The following ADAM20 variants were observed in gnomAD, a reference collection of about 807,000 sequenced individuals.
The protein encoded by ADAM20 is ADAM metallopeptidase domain 20.
For missense variants in ADAM20, 871 were observed against 883.2 expected, an observed-to-expected ratio of 0.99 and a Z score of 0.18; for synonymous variants, 305 against 310.2, an observed-to-expected ratio of 0.98 and a Z score of 0.18.
chr14:70,525,214 T>A (rs1045754125), intron 1 of ADAM20, among the ~76,000 whole-genome samples: 1 of 152,116 alleles, frequency 6.6e-6, no homozygotes, highest in Non-Finnish European at 1.5e-5. Context: ...GTATTTCTTT[T>A]ATTATTTCCT....
the ADAM20 span, among the ~76,000 whole-genome samples, chr14:70,553,627 T>C: frequency 6.7e-6 from 1 of 149,704 alleles, no homozygotes; most frequent in African/African-American, 2.5e-5. Flanking sequence ...GATGTAAGGA[T>C]GGTTCAACAT....
At chr14:70,527,021 G>C (rs1159692992) in intron 1 of ADAM20, among the ~76,000 whole-genome samples, 1 of 152,106 alleles carries the variant, frequency 6.6e-6, no homozygotes, top group Non-Finnish European at 1.5e-5. Flanking sequence ...ACTGTAACCA[G>C]AGTTTATATT....
chr14:70,532,932 T>A (rs529886167), intron 1 of ADAM20, among the ~76,000 whole-genome samples: 1 of 152,144 alleles, frequency 6.6e-6, no homozygotes. Context: ...TTATAACACA[T>A]GAAAAGATGC....
chr14:70,543,897 C>CATTTT, the ADAM20 span, among the ~76,000 whole-genome samples: 1 of 152,162 alleles, frequency 6.6e-6, no homozygotes, highest in South Asian at 2.1e-4. Flanking sequence ...CAAGCACTGC[C>CATTTT]ATTTTAAGGT....
chr14:70,522,977 G>A lies in ADAM20; in HGVS notation c.1781C>T (p.Thr594Ile). The change falls in exon 2 of 2, where the codon ACT becomes ATT. Residue 594 changes from threonine (T) to isoleucine (I), a missense_variant. By Grantham distance (89) the Thr-to-Ile change is moderately conservative. Transcript: ENST00000256389. ...TATAGCCATCCCTAAATGATAATCA[G>A]TGCCCCAGCAAGTGGTGTCATTGAG... ...FHLNDTTCWG[T>I]DYHLGMAIPD... 1 of 1,613,994 alleles carries A rather than the reference G, an allele frequency of 6.2e-7. No individual in the cohort carries two copies. Among genetic ancestry groups the A allele is most frequent in the Non-Finnish European group, 8.5e-7 (1 of 1,179,952 alleles).
At chr14:70,540,563 G>A in the ADAM20 span, among the ~76,000 whole-genome samples, 1 of 152,096 alleles carries the variant, frequency 6.6e-6, no homozygotes, top group Non-Finnish European at 1.5e-5. Flanking sequence ...TGTCATAGAG[G>A]CTACAAGACT....
chr14:70,537,841 A>T (rs947250888), upstream of ADAM20, among the ~76,000 whole-genome samples: 15 of 152,184 alleles, frequency 9.9e-5, no homozygotes, highest in African/African-American at 3.6e-4. Flanking sequence ...GGCACCTTTA[A>T]CTTTCAAATT....
chr14:70,565,481 T>C, the ADAM20 span, among the ~76,000 whole-genome samples: 1 of 152,060 alleles, frequency 6.6e-6, no homozygotes, highest in Admixed American at 6.5e-5. Context: ...ATGTCAAAAA[T>C]CAAAGACAAC....
rs753662254 is a variant in ADAM20, at chr14:70,524,304, C to A, written c.454G>T (p.Ala152Ser). The change falls in exon 2 of 2, where the codon GCC becomes TCC. Residue 152 changes from alanine (A) to serine (S), a missense_variant. By Grantham distance (99) the Ala-to-Ser change is moderately conservative (BLOSUM62 1). Coordinates refer to ENST00000256389, the MANE Select transcript of ADAM20 (RefSeq NM_003814.5). ...VYEIKPISVS[A>S]TFEHLVYKID... ...TTATATACTAGGTGTTCAAATGTGG[C>A]AGAAACACTAATTGGCTTGATTTCA... is the stretch of plus-strand genomic sequence containing the variant. 2.3e-4 allele frequency: 370 copies of A among 1,613,988 alleles called. 1 individual carries two copies. In the South Asian group the frequency reaches 3.9e-3, roughly 17 times the overall value.
At chr14:70,565,135 A>T in the ADAM20 span, among the ~76,000 whole-genome samples, 5 of 151,554 alleles carry the variant, frequency 3.3e-5, no homozygotes, top group Admixed American at 6.6e-5. Context: ...AACTGGATTT[A>T]AAAAATCGCA....
the ADAM20 span, among the ~76,000 whole-genome samples, chr14:70,577,136 C>T: frequency 7.2e-5 from 11 of 152,248 alleles, no homozygotes; most frequent in Middle Eastern, 3.4e-3. Context: ...ATGATGCTGA[C>T]GTAACCTTGT....
chr14:70,570,727 G>C, the ADAM20 span, among the ~76,000 whole-genome samples: 5 of 151,934 alleles, frequency 3.3e-5, no homozygotes, highest in Admixed American at 6.6e-5. Context: ...AACTGTTATA[G>C]GAAATCAAGG....
the ADAM20 span, among the ~76,000 whole-genome samples, chr14:70,542,914 A>C: frequency 2.0e-5 from 3 of 151,508 alleles, no homozygotes; most frequent in African/African-American, 7.3e-5. Flanking sequence ...ACTCCAGCCT[A>C]GGGGACAGAG....
chr14:70,530,868 C>T (rs1883695989), intron 1 of ADAM20, among the ~76,000 whole-genome samples: 2 of 149,942 alleles, frequency 1.3e-5, no homozygotes, highest in Non-Finnish European at 1.5e-5. Context: ...GAGATAAATA[C>T]TGACATTTAA....
At chr14:70,536,893 C>A (rs142746815), upstream of ADAM20, among the ~76,000 whole-genome samples, 775 of 151,400 alleles carry the variant, frequency 5.1e-3, 6 homozygotes, top group African/African-American at 0.018. Context: ...TAAACTCTCT[C>A]ACCCTAAAAC....
the ADAM20 span, among the ~76,000 whole-genome samples, chr14:70,569,885 CAAAAAA>C: frequency 0.027 from 2,042 of 76,312 alleles, 3 homozygotes; most frequent in Middle Eastern, 0.037. Context: ...AGAAAACTAA[CAAAAAA>C]AAAAAAAAAA....
the ADAM20 span, among the ~76,000 whole-genome samples, chr14:70,572,429 C>T: frequency 0.071 from 10,843 of 152,174 alleles, 498 homozygotes; most frequent in Non-Finnish European, 0.11. Context: ...TTCTACCTCT[C>T]ACCATATACA....
chr14:70,544,027 C>T, the ADAM20 span, among the ~76,000 whole-genome samples: 5,504 of 152,156 alleles, frequency 0.036, 119 homozygotes, highest in Middle Eastern at 0.058. Context: ...AGATAAACCC[C>T]TCTCCAACCA....
intron 1 of ADAM20, among the ~76,000 whole-genome samples, chr14:70,529,733 G>A (rs1883669372): frequency 6.6e-6 from 1 of 152,204 alleles, no homozygotes; most frequent in Non-Finnish European, 1.5e-5. Flanking sequence ...AGAACTAGGA[G>A]TTTCTCTGGG....
Sources: allele counts gnomAD v4.1 joint callset (sites outside exome capture counted in the v4.1 genomes callset), GRCh38; gene constraint gnomAD v4.1.1; transcripts MANE v1.5; gene names NCBI Gene and HGNC (gene_info 2026-07-23, HGNC 2026-07-21).